The following L2HGDH variants were observed in gnomAD, a reference collection of about 807,000 sequenced individuals.
L2HGDH encodes the protein L-2-hydroxyglutarate dehydrogenase, mitochondrial.
A neutral mutation model predicts 51.5 loss-of-function variants in L2HGDH; 34 were observed. The observed-to-expected ratio is 0.66, with a 90% CI of 0.50 to 0.88. L2HGDH has a LOEUF of 0.88. Ranked by LOEUF, L2HGDH falls within the 40% of genes least tolerant of loss-of-function variation. L2HGDH has a pLI of 0.00. For synonymous variants in L2HGDH, 198 were observed against 197.9 expected (o/e 1.00, Z -0.01); for missense variants, 558 against 571.9 (o/e 0.98, Z 0.25).
At chr14:50,267,071 A>C (rs1889376280) in intron 8 of L2HGDH, among the ~76,000 whole-genome samples, 1 of 152,120 alleles carries the variant, frequency 6.6e-6, no homozygotes, top group Admixed American at 6.5e-5. Flanking sequence ...CCACCAAATA[A>C]AACTGGAAAC....
chr14:50,271,210 T>C lies in L2HGDH; in HGVS notation c.739-1880A>G, dbSNP rs564095477. Among the ~76,000 whole-genome samples, 6 of 152,338 alleles carry C rather than the reference T, an allele frequency of 3.9e-5. No individual in the cohort carries two copies. The South Asian group carries it at 1.2e-3, about 32-fold the overall frequency. ...TTCCTGTTCATCTAGAGTTATATTC[T>C]AGAAATATGAGAAGTATTTTTGTGA... is the stretch of plus-strand genomic sequence containing the variant. On this transcript the variant is annotated intron_variant, in intron 6 of 9. Coordinates refer to ENST00000267436, the MANE Select transcript of L2HGDH (RefSeq NM_024884.3).
At chr14:50,290,975 G>A (rs1003689968) in intron 4 of L2HGDH, among the ~76,000 whole-genome samples, 4 of 152,026 alleles carry the variant, frequency 2.6e-5, no homozygotes, top group Non-Finnish European at 4.4e-5. Flanking sequence ...CGAGGTGGGC[G>A]GATCACAAGG....
Position 50,306,600 on chromosome 14 carries a change from G to GTT in L2HGDH, c.141-3585_141-3584dup, listed in dbSNP as rs71118864. On this transcript the variant is annotated intron_variant, in intron 1 of 9. Coordinates refer to ENST00000267436, the MANE Select transcript of L2HGDH (RefSeq NM_024884.3). ...TTTTGGGGGGTTTTTTTGTTTTGGG[G>GTT]TTTTTTTTTTTTTTTTAGATGGAGA... 1.9e-3 allele frequency among the ~76,000 whole-genome samples: 249 copies of GTT among 133,208 alleles called. 3 individuals are homozygous for GTT. Among genetic ancestry groups the GTT allele is most frequent in the African/African-American group, 6.3e-3 (226 of 35,908 alleles). 87.4% of individuals were successfully genotyped at this position (133,208 alleles called of 152,430 possible).
In L2HGDH at chr14:50,267,865, T is replaced by C. The variant is rs554320769; in HGVS notation, c.952A>G (p.Arg318Gly). The C allele has an allele frequency of 6.2e-7, 1 of 1,614,164 alleles. No homozygotes were observed. Among genetic ancestry groups the C allele is most frequent in the Admixed American group, 1.7e-5 (1 of 60,024 alleles). The change falls in exon 8 of 10, where the codon AGG becomes GGG. Residue 318 changes from arginine (R) to glycine (G), a missense_variant. Transcript: ENST00000267436. ...FPFLGVHFTP[R>G]MDGSIWLGPN... The stretch of plus-strand genomic sequence containing the variant: ...CCTAGCCAAATACTGCCATCCATCC[T>C]TGGTGTGAAGTGAACTCCTAGGAAA...
At chr14:50,302,294 T>A in intron 2 of L2HGDH, 126 bp from the exon 3 acceptor site, 2 of 976,682 alleles carry the variant, frequency 2.0e-6, no homozygotes, top group Non-Finnish European at 3.2e-6. Flanking sequence ...CTGAATTTGT[T>A]CAGATCACTG....
rs1887868044 is a variant in L2HGDH at position 50,243,247 on chromosome 14, A to G, written c.*3811T>C. The G allele has an allele frequency of 1.0e-6, 1 of 985,430 alleles. No individual in the cohort carries two copies. The highest frequency in any genetic ancestry group is 4.7e-5 in the South Asian group (1 of 21,286). The allele number at this position is 985,430 out of a possible 1,614,324, so 61.0% of individuals were successfully genotyped here. A position where few individuals can be genotyped will look rare whatever the true frequency, so the allele number is the denominator to read the frequency against. On this transcript the variant is annotated 3_prime_UTR_variant, in exon 10 of 10. Coordinates refer to ENST00000267436, the MANE Select transcript of L2HGDH (RefSeq NM_024884.3). ...AAACACCAAAAATATACTTGCTGGT[A>G]CATCAAGAGTTCCTCACAAACACTC...
intron 4 of L2HGDH, among the ~76,000 whole-genome samples, chr14:50,292,284 T>C (rs1890923991): frequency 6.6e-6 from 1 of 152,228 alleles, no homozygotes; most frequent in East Asian, 1.9e-4. Flanking sequence ...GTCAAAATCA[T>C]AACAGGTTAT....
In L2HGDH at chr14:50,294,149, T is replaced by C; in HGVS notation, c.506A>G (p.Gln169Arg). ...NGVPGLRLIQ[Q>R]EDIKKKEPYC... ...TGGCTCCTTCTTTTTTATATCCTCCTGCTGGATCAGCCTCAGGCCCGGGAC... is the reference window on the plus strand; with the variant it reads ...TGGCTCCTTCTTTTTTATATCCTCCCGCTGGATCAGCCTCAGGCCCGGGAC... The change falls in exon 4 of 10, where the codon CAG becomes CGG. Residue 169 changes from glutamine (Q) to arginine (R), a missense_variant. Transcript: ENST00000267436. The C allele has an allele frequency of 1.9e-6, 3 of 1,614,044 alleles. No homozygotes were observed. Among genetic ancestry groups the C allele is most frequent in the Non-Finnish European group, 2.5e-6 (3 of 1,179,966 alleles).
chr14:50,295,937 C>G (rs1469044024), intron 3 of L2HGDH, among the ~76,000 whole-genome samples: 3 of 151,634 alleles, frequency 2.0e-5, no homozygotes, highest in Non-Finnish European at 4.4e-5. Flanking sequence ...TGGGGTTTCA[C>G]CATGTTGGAC....
chr14:50,245,963 A>T lies in L2HGDH; in HGVS notation c.*1095T>A, dbSNP rs1887973574. 3.9e-6 allele frequency: 1 copy of T among 253,498 alleles called. No individual in the cohort carries two copies. Among genetic ancestry groups the T allele is most frequent in the Non-Finnish European group, 6.2e-6 (1 of 160,666 alleles). The allele number at this position is 253,498 out of a possible 1,614,324, so 15.7% of individuals were successfully genotyped here. On this transcript the variant is annotated 3_prime_UTR_variant, in exon 10 of 10. Coordinates refer to ENST00000267436, the MANE Select transcript of L2HGDH (RefSeq NM_024884.3). ...ATGGCAAAACCCCGTCTCTACTAAA[A>T]ATACAAAAAATTAGCCAGGCATGGT... is the stretch of plus-strand genomic sequence containing the variant.
chr14:50,297,917 G>A (rs534460292), intron 3 of L2HGDH, among the ~76,000 whole-genome samples: 5 of 145,262 alleles, frequency 3.4e-5, no homozygotes, highest in African/African-American at 5.1e-5. Context: ...CTTGAGCAAC[G>A]GAGGGAGATC....
intron 9 of L2HGDH, among the ~76,000 whole-genome samples, chr14:50,248,700 A>G (rs909830189): frequency 2.0e-5 from 3 of 152,222 alleles, no homozygotes; most frequent in South Asian, 2.1e-4. Context: ...TTTTAGCTGT[A>G]AGAATTTCCA....
intron 8 of L2HGDH, among the ~76,000 whole-genome samples, chr14:50,267,188 T>TATTC (rs1202429056): frequency 0.016 from 2,113 of 132,028 alleles, 38 homozygotes; most frequent in Non-Finnish European, 0.018. Flanking sequence ...TTTATTTATT[T>TATTC]ATTCATTTTT....
intron 4 of L2HGDH, among the ~76,000 whole-genome samples, chr14:50,293,436 TTTC>T (rs1251837264): frequency 6.6e-6 from 1 of 152,204 alleles, no homozygotes; most frequent in Non-Finnish European, 1.5e-5. Flanking sequence ...TAGGCAAAGA[TTTC>T]TTTTTTTTTC....
intron 9 of L2HGDH, among the ~76,000 whole-genome samples, chr14:50,252,164 G>A (rs1405568513): frequency 6.6e-6 from 1 of 151,928 alleles, no homozygotes; most frequent in Admixed American, 6.6e-5. Context: ...TTTTCTTTCT[G>A]TGTGTTTGTT....
chr14:50,299,670 T>C (rs1360266602), intron 3 of L2HGDH, among the ~76,000 whole-genome samples: 1 of 152,124 alleles, frequency 6.6e-6, no homozygotes, highest in Non-Finnish European at 1.5e-5. Flanking sequence ...TGGTTCAACA[T>C]ATGTAAATCA....
chr14:50,273,880 A>C (rs772272385), intron 6 of L2HGDH, among the ~76,000 whole-genome samples: 27 of 152,292 alleles, frequency 1.8e-4, no homozygotes, highest in Non-Finnish European at 3.2e-4. Context: ...GGAGTTCAAA[A>C]CCAGCCCGAC....
chr14:50,270,262 T>A (rs1256699977), intron 6 of L2HGDH, among the ~76,000 whole-genome samples: 1 of 152,252 alleles, frequency 6.6e-6, no homozygotes, highest in African/African-American at 2.4e-5. Context: ...ATCATCTGCT[T>A]ATTTTTAACT....
chr14:50,284,010 T>C lies in L2HGDH; in HGVS notation c.564A>G (p.Pro188=), dbSNP rs1595114560. The C allele has an allele frequency of 6.2e-7, 1 of 1,614,114 alleles. No individual in the cohort carries two copies. Among genetic ancestry groups the C allele is most frequent in the Non-Finnish European group, 8.5e-7 (1 of 1,179,978 alleles). The change falls in exon 5 of 10, where the codon CCA becomes CCG. Residue 188 remains proline, a synonymous_variant. Transcript: ENST00000267436. ...GCCGATAGTCCACAATGCCAGTATG[T>C]GGACAATCAATAGCCATTAGACCCT... ...YCRGLMAIDC[P]HTGIVDYRQV...
Sources: gnomAD v4.1 joint callset for allele counts (sites outside exome capture counted in the v4.1 genomes callset) on GRCh38, gnomAD v4.1.1 for gene constraint, MANE v1.5 for transcripts, NCBI Gene and HGNC (gene_info 2026-07-23, HGNC 2026-07-21) for gene names.